BEND2: variants seen among roughly 807,000 people sequenced by gnomAD.
BEND2 encodes the protein BEN domain containing 2.
In BEND2, 19 loss-of-function variants were observed where a neutral mutation model predicts 43.8. That is an observed-to-expected ratio of 0.43 (90% confidence interval 0.30 to 0.64). The LOEUF (loss-of-function observed/expected upper bound fraction) is 0.64, where lower values mean the gene tolerates loss of function less well. BEND2 is among the 30% of genes least tolerant of loss of function. BEND2 has a pLI of 0.11. For missense variants in BEND2, 544 were observed against 574.0 expected (o/e 0.95, Z 0.53); for synonymous variants, 226 against 210.1 (o/e 1.08, Z -0.66).
In BEND2 at chrX:18,177,685, G is replaced by T; in HGVS notation, c.1514C>A (p.Ala505Glu). 1 of 1,210,006 alleles carries T rather than the reference G, an allele frequency of 8.3e-7. No individual in the cohort carries two copies. The highest frequency in any genetic ancestry group is 1.1e-6 in the Non-Finnish European group (1 of 894,161). The change falls in exon 10 of 14, where the codon GCA becomes GAA. Residue 505 changes from alanine to glutamate, a missense_variant. Ala to Glu is a moderately radical substitution (Grantham distance 107). Transcript: ENST00000380033. ...AVQNMAKPKQ[A>E]ACYLVRILFS... ...CAAAATACGAACCAAGTAGCAGGCT[G>T]CTTGCTTAGGTTTGGCCATATTTTG...
chrX:18,171,322 G>A, intron 12 of BEND2, 118 bp from the exon 13 acceptor site: 1 of 838,828 alleles, frequency 1.2e-6, no homozygotes. Flanking sequence ...AATTTGAGAG[G>A]TTAAAAAATT....
intron 4 of BEND2, among the ~76,000 whole-genome samples, chrX:18,206,648 G>C (rs1368934247): frequency 4.5e-5 from 5 of 110,857 alleles, no homozygotes; most frequent in South Asian, 3.9e-4. Context: ...GTCAGCCCAG[G>C]CCACTAGAAT....
intron 4 of BEND2, among the ~76,000 whole-genome samples, chrX:18,204,774 G>A (rs771038511): frequency 1.3e-4 from 14 of 111,187 alleles, no homozygotes; most frequent in Admixed American, 8.7e-4. Flanking sequence ...AAATGAAAGC[G>A]CCACAATGCC....
At chrX:18,184,059 T>A (rs7066422) in intron 8 of BEND2, among the ~76,000 whole-genome samples, 2,478 of 111,594 alleles carry the variant, frequency 0.022, 75 homozygotes, top group African/African-American at 0.076. Flanking sequence ...TGGGCAAGAC[T>A]CAGGGCTCTG....
intron 10 of BEND2, 147 bp downstream of exon 10, chrX:18,177,422 T>C: frequency 5.0e-6 from 3 of 595,037 alleles, no homozygotes; most frequent in Non-Finnish European, 5.3e-6. Flanking sequence ...TATTAAGTTG[T>C]AAAATCAGGG....
At chrX:18,187,234 A>T (rs930343660) in intron 8 of BEND2, among the ~76,000 whole-genome samples, 3 of 111,703 alleles carry the variant, frequency 2.7e-5, no homozygotes, top group Non-Finnish European at 1.9e-5. Flanking sequence ...AGAAACAATG[A>T]TCTGTTGTGT....
chrX:18,180,379 C>T (rs887729867), intron 9 of BEND2, 131 bp downstream of exon 9: 2 of 976,761 alleles, frequency 2.0e-6, no homozygotes, highest in East Asian at 6.3e-5. Flanking sequence ...AAATGTTAGT[C>T]ATGGTTCTGA....
chrX:18,195,609 AGT>A (rs1924917618), intron 6 of BEND2, among the ~76,000 whole-genome samples, 167 bp from the exon 7 acceptor site: 1 of 111,841 alleles, frequency 8.9e-6, no homozygotes, highest in African/African-American at 3.2e-5. Context: ...GGCCTGGTGC[AGT>A]GGCTCATGCC....
intron 4 of BEND2, among the ~76,000 whole-genome samples, chrX:18,210,628 A>G (rs1389466770): frequency 2.7e-5 from 3 of 112,505 alleles, no homozygotes; most frequent in African/African-American, 9.7e-5. Context: ...ATTTCTAACC[A>G]TGAACAAAGA....
chrX:18,196,694 GAAA>G (rs59301009), intron 6 of BEND2, among the ~76,000 whole-genome samples: 16 of 71,189 alleles, frequency 2.2e-4, no homozygotes, highest in African/African-American at 7.3e-4. Context: ...CATACTGACT[GAAA>G]AAAAAAAAAA....
chrX:18,214,678 G>A (rs1475586063), intron 2 of BEND2, among the ~76,000 whole-genome samples: 1 of 107,185 alleles, frequency 9.3e-6, no homozygotes. Context: ...ACAAAAATTA[G>A]CCAGGCGTGG....
intron 8 of BEND2, among the ~76,000 whole-genome samples, chrX:18,184,308 C>T (rs1924498951): frequency 9.0e-6 from 1 of 111,171 alleles, no homozygotes; most frequent in African/African-American, 3.3e-5. Flanking sequence ...ATGATGAAAC[C>T]CCATCTCTAC....
rs1259554301 is a variant in BEND2, at chrX:18,163,480, A to G, written c.*1529T>C. ...CAATAGCCATACGAGCCTATTGGAC[A>G]TTGCAAATTTATATTTTTAATGTGG... On this transcript the variant is annotated 3_prime_UTR_variant, in exon 14 of 14. Coordinates refer to ENST00000380033, the MANE Select transcript of BEND2 (RefSeq NM_153346.5). The G allele has an allele frequency of 1.8e-5, 2 of 112,131 alleles. No individual in the cohort carries two copies. The highest frequency in any genetic ancestry group is 5.6e-4 in the East Asian group (2 of 3,583). The allele number at this position is 112,131 out of a possible 1,213,427, so 9.2% of individuals were successfully genotyped here.
At chrX:18,177,833 C>A in intron 9 of BEND2, 64 bp from the exon 10 acceptor site, 1 of 927,365 alleles carries the variant, frequency 1.1e-6, no homozygotes, top group East Asian at 3.1e-5. Flanking sequence ...CCTCAAAGTA[C>A]ACAAGAGAAT....
chrX:18,201,417 AC>A (rs1396127350), intron 6 of BEND2, among the ~76,000 whole-genome samples: 133 of 86,980 alleles, frequency 1.5e-3, no homozygotes, highest in African/African-American at 3.6e-3. Flanking sequence ...AAAAAAAAAA[AC>A]AAAAAAAAAA....
At chrX:18,189,277 G>A (rs1027670615) in intron 8 of BEND2, among the ~76,000 whole-genome samples, 1 of 110,459 alleles carries the variant, frequency 9.1e-6, no homozygotes, top group Non-Finnish European at 1.9e-5. Context: ...GGAGGCCAAG[G>A]CGGGAAGACT....
At chrX:18,179,533 A>G (rs1924302960) in intron 9 of BEND2, among the ~76,000 whole-genome samples, 2 of 110,909 alleles carry the variant, frequency 1.8e-5, no homozygotes, top group African/African-American at 6.6e-5. Context: ...GCTCTCCTCT[A>G]GGAAGGGAGT....
At chrX:18,208,499 T>C (rs893794660) in intron 4 of BEND2, among the ~76,000 whole-genome samples, 4 of 110,469 alleles carry the variant, frequency 3.6e-5, no homozygotes, top group Non-Finnish European at 7.6e-5. Context: ...TATATATATA[T>C]AAAAAATAAG....
intron 1 of BEND2, among the ~76,000 whole-genome samples, chrX:18,218,710 A>G (rs1252985828): frequency 9.0e-6 from 1 of 111,663 alleles, no homozygotes. Context: ...CAATACAGAA[A>G]TCAGCGGGGC....
Sources: allele counts gnomAD v4.1 joint callset (sites outside exome capture counted in the v4.1 genomes callset), GRCh38; gene constraint gnomAD v4.1.1; transcripts MANE v1.5; gene names NCBI Gene and HGNC (gene_info 2026-07-23, HGNC 2026-07-21).